TMEM212: variants seen among roughly 807,000 people sequenced by gnomAD.
TMEM212 encodes the protein transmembrane protein 212.
In TMEM212, 23 loss-of-function variants were observed where a neutral mutation model predicts 20.5. The ratio of observed to expected loss-of-function variants is 1.12; its 90% CI spans 0.81 to 1.59. The LOEUF (loss-of-function observed/expected upper bound fraction) is 1.59. Among genes scored for constraint, TMEM212 ranks in the 40% most tolerant of loss-of-function variants. The probability of loss-of-function intolerance (pLI) is 0.00; values close to 1 mark genes in which losing one functional copy is unlikely to be tolerated. For missense variants in TMEM212, 211 were observed against 215.0 expected (o/e 0.98, Z 0.12); for synonymous variants, 76 against 81.6 (o/e 0.93, Z 0.37).
intron 1 of TMEM212, among the ~76,000 whole-genome samples, chr3:171,847,909 A>G (rs745671672): frequency 6.6e-6 from 1 of 152,172 alleles, no homozygotes; most frequent in Non-Finnish European, 1.5e-5. Flanking sequence ...ATTTTACAAG[A>G]AAGTACACAG....
At chr3:171,844,534 C>T (rs538204930) in intron 1 of TMEM212, among the ~76,000 whole-genome samples, 4 of 152,216 alleles carry the variant, frequency 2.6e-5, no homozygotes, top group South Asian at 2.1e-4. Context: ...GGCGAAACCC[C>T]GTCACTACTA....
intron 1 of TMEM212, 92 bp from the exon 2 acceptor site, chr3:171,851,890 C>A: frequency 8.8e-7 from 1 of 1,137,404 alleles, no homozygotes; most frequent in South Asian, 1.3e-5. Context: ...CCTTCAAGTT[C>A]ATGATAAAGT....
rs567031055 is a variant in TMEM212 at position 171,845,744 on chromosome 3, T to TG, written c.159+2204dup. 6.8e-4 allele frequency among the ~76,000 whole-genome samples: 104 copies of TG among 152,262 alleles called. 1 individual carries two copies. In the South Asian group the frequency reaches 6.8e-3, roughly 10 times the overall value. ...TTTCAAGTCCTGACTTTGATGTTCTTGGTAGGAGGTCAAAAGCAGGACCCT... is the reference window on the plus strand; with the variant it reads ...TTTCAAGTCCTGACTTTGATGTTCTTGGGTAGGAGGTCAAAAGCAGGACCCT... On this transcript the variant is annotated intron_variant, in intron 1 of 4. Coordinates refer to ENST00000334567, the MANE Select transcript of TMEM212 (RefSeq NM_001164436.2).
At chr3:171,848,196 C>T (rs140340737) in intron 1 of TMEM212, among the ~76,000 whole-genome samples, 2 of 152,232 alleles carry the variant, frequency 1.3e-5, no homozygotes, top group African/African-American at 4.8e-5. Flanking sequence ...AAATCATTAG[C>T]AGATCTTGAT....
At chr3:171,851,558 G>T (rs762553100) in intron 1 of TMEM212, among the ~76,000 whole-genome samples, 1 of 152,232 alleles carries the variant, frequency 6.6e-6, no homozygotes, top group Non-Finnish European at 1.5e-5. Context: ...AAAAGAGAAA[G>T]TCGCCTCAGG....
intron 1 of TMEM212, among the ~76,000 whole-genome samples, chr3:171,844,445 C>T (rs760174962): frequency 5.3e-5 from 8 of 152,184 alleles, no homozygotes; most frequent in East Asian, 3.9e-4. Flanking sequence ...TGGTGGCTCA[C>T]GCTTGTAATC....
intron 2 of TMEM212, among the ~76,000 whole-genome samples, chr3:171,852,462 A>G (rs762432310): frequency 5.4e-4 from 82 of 152,296 alleles, no homozygotes; most frequent in Middle Eastern, 3.4e-3. Context: ...CAGTCTCCCA[A>G]AATGCTGGGA....
intron 1 of TMEM212, among the ~76,000 whole-genome samples, chr3:171,845,135 G>T (rs1222611657): frequency 6.6e-6 from 1 of 151,974 alleles, no homozygotes; most frequent in Non-Finnish European, 1.5e-5. Flanking sequence ...ATTTGTTTAA[G>T]TTCTACTGGA....
At chr3:171,852,895 TC>T (rs1251050593) in intron 2 of TMEM212, among the ~76,000 whole-genome samples, 2 of 152,244 alleles carry the variant, frequency 1.3e-5, no homozygotes, top group Non-Finnish European at 1.5e-5. Flanking sequence ...AGATTCTGAT[TC>T]AGTAGATCTG....
chr3:171,848,997 G>A (rs1308161995), intron 1 of TMEM212, among the ~76,000 whole-genome samples: 1 of 151,860 alleles, frequency 6.6e-6, no homozygotes, highest in African/African-American at 2.4e-5. Context: ...ACAAAGTTCA[G>A]ACGTGCTAGA....
At chr3:171,844,019 T>TGCAA (rs941583782) in intron 1 of TMEM212, among the ~76,000 whole-genome samples, 2 of 152,324 alleles carry the variant, frequency 1.3e-5, no homozygotes, top group African/African-American at 4.8e-5. Context: ...ACCTTTCTCT[T>TGCAA]GCAAGCAACT....
At chr3:171,850,197 G>A (rs1724945382) in intron 1 of TMEM212, among the ~76,000 whole-genome samples, 1 of 152,116 alleles carries the variant, frequency 6.6e-6, no homozygotes, top group Non-Finnish European at 1.5e-5. Context: ...ATGTCTGGCG[G>A]GGAGCACCAA....
At chr3:171,851,940 C>T in intron 1 of TMEM212, 42 bp from the exon 2 acceptor site, 1 of 1,511,592 alleles carries the variant, frequency 6.6e-7, no homozygotes, top group South Asian at 1.2e-5. Flanking sequence ...TCCAGAGGTA[C>T]CTTCTGTGGT....
At chr3:171,851,544 T>C (rs1224881750) in intron 1 of TMEM212, among the ~76,000 whole-genome samples, 4 of 152,148 alleles carry the variant, frequency 2.6e-5, no homozygotes, top group African/African-American at 9.7e-5. Flanking sequence ...AGAAAGCAAA[T>C]AGCAAAAGAG....
At position 171,853,726 on chromosome 3, in the gene TMEM212, A is replaced by AGG; in HGVS notation, c.419_420insGG (p.His140GlnfsTer8). On this transcript the variant is annotated frameshift_variant, in exon 3 of 5. Transcript: ENST00000334567. LOFTEE classifies it high-confidence loss of function. ...CCATTAGCCTGTGTGGACCCACCAC[A>AGG]CTACGAAGAGTACCACCTGACACTT... 1 of 1,537,494 alleles carries AGG rather than the reference A, an allele frequency of 6.5e-7. No homozygotes were observed. The highest frequency in any genetic ancestry group is 8.7e-7 in the Non-Finnish European group (1 of 1,146,922).
chr3:171,850,992 C>T (rs1724964538), intron 1 of TMEM212, among the ~76,000 whole-genome samples: 1 of 152,156 alleles, frequency 6.6e-6, no homozygotes, highest in South Asian at 2.1e-4. Flanking sequence ...ACCACACAAC[C>T]ATGTGGGTAA....
intron 1 of TMEM212, among the ~76,000 whole-genome samples, chr3:171,848,071 T>G (rs1724879593): frequency 4.6e-5 from 7 of 152,204 alleles, no homozygotes; most frequent in Admixed American, 4.6e-4. Flanking sequence ...AAAACCATTT[T>G]TTTTCTTCTC....
At chr3:171,844,148 G>A (rs1361365598) in intron 1 of TMEM212, among the ~76,000 whole-genome samples, 4 of 152,238 alleles carry the variant, frequency 2.6e-5, no homozygotes, top group East Asian at 3.9e-4. Context: ...TACAGCGTAC[G>A]ACACTAAGTA....
At chr3:171,856,591 T>C in intron 3 of TMEM212, 72 bp from the exon 4 acceptor site, 3 of 593,016 alleles carry the variant, frequency 5.1e-6, no homozygotes, top group Non-Finnish European at 9.1e-6. Flanking sequence ...TTTACATGGG[T>C]GCCCCTCCCA....
Sources: gnomAD v4.1 joint callset for allele counts (sites outside exome capture counted in the v4.1 genomes callset) on GRCh38, gnomAD v4.1.1 for gene constraint, MANE v1.5 for transcripts, NCBI Gene and HGNC (gene_info 2026-07-23, HGNC 2026-07-21) for gene names.